CCM2L: variants seen among roughly 807,000 people sequenced by gnomAD.
CCM2L encodes the protein cerebral cavernous malformations 2 protein-like.
A neutral mutation model predicts 54.1 loss-of-function variants in CCM2L; 36 were observed. The ratio of observed to expected loss-of-function variants is 0.67; its 90% CI spans 0.51 to 0.88. CCM2L has a LOEUF of 0.88. CCM2L is among the 40% of genes least tolerant of loss of function. The pLI is 0.00. For missense variants in CCM2L, 700 were observed against 812.1 expected (o/e 0.86, Z 1.68); for synonymous variants, 351 against 359.3 (o/e 0.98, Z 0.26).
rs1003190990 is a variant in CCM2L at position 32,022,732 on chromosome 20, T to G, written c.1006T>G (p.Cys336Gly). The G allele has an allele frequency of 6.2e-7, 1 of 1,613,850 alleles. No individual in the cohort carries two copies. The highest frequency in any genetic ancestry group is 1.3e-5 in the African/African-American group (1 of 74,870). The part of the protein sequence containing the change: ...QIIYGDQSIE[C>G]VDRAGYHYTS... ...CATCTACGGGGACCAGAGTATTGAG[T>G]GTGTGGACCGGGCTGGCTACCACTA... is the stretch of plus-strand genomic sequence containing the variant. Residue 336 changes from cysteine (C) to glycine (G), a missense_variant, in exon 6 of 10, where the codon TGT becomes GGT. Physicochemically the swap from Cys to Gly is radical, Grantham distance 159. Coordinates refer to ENST00000452892, the MANE Select transcript of CCM2L (RefSeq NM_001365692.1).
intron 5 of CCM2L, among the ~76,000 whole-genome samples, chr20:32,020,457 C>T (rs1227005978): frequency 6.6e-6 from 1 of 152,200 alleles, no homozygotes; most frequent in African/African-American, 2.4e-5. Flanking sequence ...TATCCTTCAT[C>T]TACCCATTTC....
chr20:32,014,857 A>G (rs759056905), intron 1 of CCM2L, 47 bp from the exon 2 acceptor site: 5 of 1,525,840 alleles, frequency 3.3e-6, no homozygotes, highest in Non-Finnish European at 4.4e-6. Context: ...TAAGAGTTCA[A>G]TAAAAGCAGC....
In CCM2L at chr20:32,022,666, G is replaced by T. The variant is rs146973403; in HGVS notation, c.940G>T (p.Ala314Ser). 24 of 1,614,018 alleles carry T rather than the reference G, an allele frequency of 1.5e-5. No individual in the cohort carries two copies. Among genetic ancestry groups the T allele is most frequent in the Non-Finnish European group, 2.0e-5 (24 of 1,180,010 alleles). ...VILAVANRDA[A>S]EESCALICQV... ...CTCCTCCTCCCTGGGCCAGGACGCTGCAGAGGAGTCCTGCGCACTCATCTG... is the reference window on the plus strand; with the variant it reads ...CTCCTCCTCCCTGGGCCAGGACGCTTCAGAGGAGTCCTGCGCACTCATCTG... Residue 314 changes from alanine (A) to serine (S), a missense_variant, in exon 6 of 10, where the codon GCA (alanine) becomes TCA (serine). By Grantham distance (99) the Ala-to-Ser change is moderately conservative. Coordinates refer to ENST00000452892, the MANE Select transcript of CCM2L (RefSeq NM_001365692.1).
chr20:32,026,705 A>T (rs1472897251), intron 7 of CCM2L, among the ~76,000 whole-genome samples: 1 of 151,986 alleles, frequency 6.6e-6, no homozygotes, highest in African/African-American at 2.4e-5. Context: ...GCGAAACCCC[A>T]TCTCCACCAA....
At chr20:32,030,932 G>C (rs1439730438) in intron 9 of CCM2L, 69 bp from the exon 10 acceptor site, 1 of 1,260,390 alleles carries the variant, frequency 7.9e-7, no homozygotes, top group Non-Finnish European at 1.0e-6. Flanking sequence ...GATCTGCAGA[G>C]AGGACGCTTC....
rs1234021155 is a variant in CCM2L at position 32,030,997 on chromosome 20, G to A, written c.1403-4G>A. ...GGGGACTCACCATGCCCCTCGGCTC[G>A]CAGGGATGCGGCCCTTCATCCCGGA... On this transcript the variant is annotated splice_polypyrimidine_tract_variant and splice_region_variant and intron_variant, in intron 9 of 9. Coordinates refer to ENST00000452892, the MANE Select transcript of CCM2L (RefSeq NM_001365692.1). The A allele has an allele frequency of 3.1e-6, 4 of 1,303,958 alleles. No homozygotes were observed. Among genetic ancestry groups the A allele is most frequent in the African/African-American group, 1.5e-5 (1 of 65,956 alleles). The allele number at this position is 1,303,958 out of a possible 1,614,324, so 80.8% of individuals were successfully genotyped here. A position where few individuals can be genotyped will look rare whatever the true frequency, so the allele number is the denominator to read the frequency against.
intron 6 of CCM2L, among the ~76,000 whole-genome samples, chr20:32,025,092 T>TTTCTCTC (rs2064843615): frequency 6.7e-6 from 1 of 150,166 alleles, no homozygotes; most frequent in African/African-American, 2.5e-5. Context: ...TCTCTCTTTC[T>TTTCTCTC]TTTCTTTTCT....
chr20:32,013,837 G>C (rs569490220), intron 1 of CCM2L, among the ~76,000 whole-genome samples: 25 of 152,142 alleles, frequency 1.6e-4, no homozygotes, highest in Admixed American at 1.3e-3. Context: ...AGAAGCACCT[G>C]GTGGGCTTGT....
chr20:32,026,884 A>T (rs1183103816), intron 7 of CCM2L, among the ~76,000 whole-genome samples: 1 of 152,036 alleles, frequency 6.6e-6, no homozygotes, highest in African/African-American at 2.4e-5. Context: ...TCAAAAAAAA[A>T]AAAAAAGAAA....
intron 1 of CCM2L, among the ~76,000 whole-genome samples, chr20:32,013,313 A>G (rs778001191): frequency 6.6e-6 from 1 of 152,208 alleles, no homozygotes; most frequent in African/African-American, 2.4e-5. Flanking sequence ...AAATTAAAAA[A>G]TAAAAAATTT....
rs901096615 is a variant in CCM2L at position 32,015,085 on chromosome 20, G to A, written c.198+14G>A. ...AAAGAGGTCAAGGTGCGTGCAGGAT[G>A]AGAAGGGGTGGGAAAACCTTGGGGT... On this transcript the variant is annotated intron_variant, in intron 2 of 9. Transcript: ENST00000452892. 6.1e-6 allele frequency: 9 copies of A among 1,472,490 alleles called. No individual in the cohort carries two copies. Among genetic ancestry groups the A allele is most frequent in the Non-Finnish European group, 7.2e-6 (8 of 1,112,478 alleles). 91.2% of individuals were successfully genotyped at this position (1,472,490 alleles called of 1,614,324 possible). A position where few individuals can be genotyped will look rare whatever the true frequency, so the allele number is the denominator to read the frequency against.
At chr20:32,013,253 T>G (rs753024293) in intron 1 of CCM2L, among the ~76,000 whole-genome samples, 11 of 152,210 alleles carry the variant, frequency 7.2e-5, no homozygotes, top group Non-Finnish European at 1.2e-4. Context: ...GAGCTATGAT[T>G]GTGCCACTGC....
chr20:32,019,074 A>G lies in CCM2L; in HGVS notation c.598A>G (p.Ser200Gly). The change falls in exon 5 of 10, where the codon AGC (serine) becomes GGC (glycine). Residue 200 changes from serine (S) to glycine (G), a missense_variant. Transcript: ENST00000452892. Reference protein sequence around the residue: ...GTAERRHTICSLDWRMGWGGG... With the variant: ...GTAERRHTICGLDWRMGWGGG... ...CGCGGAGCGGCGCCACACCATCTGCAGCCTGGACTGGCGGATGGGGTGGGG... is the reference window on the plus strand; with the variant it reads ...CGCGGAGCGGCGCCACACCATCTGCGGCCTGGACTGGCGGATGGGGTGGGG... The G allele has an allele frequency of 8.2e-7, 1 of 1,226,744 alleles. No individual in the cohort carries two copies. The highest frequency in any genetic ancestry group is 1.0e-6 in the Non-Finnish European group (1 of 985,734). 76.0% of individuals were successfully genotyped at this position (1,226,744 alleles called of 1,614,324 possible). A position where few individuals can be genotyped will look rare whatever the true frequency, so the allele number is the denominator to read the frequency against.
chr20:32,029,268 C>A, intron 8 of CCM2L, 144 bp downstream of exon 8: 3 of 1,142,440 alleles, frequency 2.6e-6, no homozygotes, highest in East Asian at 2.4e-5. Context: ...GGAGAGTAAA[C>A]TGAGGCCAGC....
intron 1 of CCM2L, among the ~76,000 whole-genome samples, chr20:32,013,357 C>T (rs1253978491): frequency 6.6e-6 from 1 of 152,144 alleles, no homozygotes; most frequent in Non-Finnish European, 1.5e-5. Context: ...ATTTCTTATT[C>T]AGTTGGTTGG....
In CCM2L at chr20:32,031,515, G is replaced by C. The variant is rs888298899; in HGVS notation, c.*201G>C. ...CAGGGGGAAAGCGAAGCCGGGCCCT[G>C]AAGTCCGGGGCAGTCACCCGGGGCT... On this transcript the variant is annotated 3_prime_UTR_variant, in exon 10 of 10. Coordinates refer to ENST00000452892, the MANE Select transcript of CCM2L (RefSeq NM_001365692.1). The C allele has an allele frequency of 2.9e-6, 1 of 341,260 alleles. No individual in the cohort carries two copies. Among genetic ancestry groups the C allele is most frequent in the Non-Finnish European group, 5.2e-6 (1 of 192,048 alleles). The allele number at this position is 341,260 out of a possible 1,614,324, so 21.1% of individuals were successfully genotyped here. A position where few individuals can be genotyped will look rare whatever the true frequency, so the allele number is the denominator to read the frequency against.
chr20:32,031,483 T>C lies in CCM2L; in HGVS notation c.*169T>C, dbSNP rs996631840. 6 of 426,496 alleles carry C rather than the reference T, an allele frequency of 1.4e-5. No individual in the cohort carries two copies. Among genetic ancestry groups the C allele is most frequent in the South Asian group, 7.3e-5 (3 of 40,848 alleles). 26.4% of individuals were successfully genotyped at this position (426,496 alleles called of 1,614,324 possible). A position where few individuals can be genotyped will look rare whatever the true frequency, so the allele number is the denominator to read the frequency against. ...GCCCGGGGCCATGCAGTACCTGGAGTGTCCTGCAGGGGGAAAGCGAAGCCG... is the reference window on the plus strand; with the variant it reads ...GCCCGGGGCCATGCAGTACCTGGAGCGTCCTGCAGGGGGAAAGCGAAGCCG... On this transcript the variant is annotated 3_prime_UTR_variant, in exon 10 of 10. Coordinates refer to ENST00000452892, the MANE Select transcript of CCM2L (RefSeq NM_001365692.1).
chr20:32,019,734 G>C (rs1458975880), intron 5 of CCM2L, among the ~76,000 whole-genome samples: 1 of 152,198 alleles, frequency 6.6e-6, no homozygotes, highest in Non-Finnish European at 1.5e-5. Context: ...TCTAGGGCCA[G>C]CTCATGCCAG....
chr20:32,016,199 T>C (rs2064740212), intron 2 of CCM2L, among the ~76,000 whole-genome samples: 1 of 151,932 alleles, frequency 6.6e-6, no homozygotes, highest in African/African-American at 2.4e-5. Context: ...TCATTTAGCC[T>C]AAAAAGATTG....
Sources: gnomAD v4.1 joint callset for allele counts (sites outside exome capture counted in the v4.1 genomes callset) on GRCh38, gnomAD v4.1.1 for gene constraint, MANE v1.5 for transcripts, NCBI Gene and HGNC (gene_info 2026-07-23, HGNC 2026-07-21) for gene names.